The following PIEZO1 variants were observed in gnomAD, a reference collection of about 807,000 sequenced individuals.
The protein encoded by PIEZO1 is piezo-type mechanosensitive ion channel component 1.
A neutral mutation model predicts 297.2 loss-of-function variants in PIEZO1; 296 were observed. The ratio of observed to expected loss-of-function variants is 1.00; its 90% confidence interval spans 0.91 to 1.10. PIEZO1 has a LOEUF of 1.10. Ranked by LOEUF, PIEZO1 falls within the 50% of genes least tolerant of loss-of-function variation. The probability of loss-of-function intolerance (pLI) is 0.00; values close to 1 mark genes in which losing one functional copy is unlikely to be tolerated. For missense variants in PIEZO1, 5,018 were observed against 3,455.5 expected, an observed-to-expected ratio of 1.45 and a Z score of -11.34; for synonymous variants, 2,427 against 1,507.5, an observed-to-expected ratio of 1.61 and a Z score of -14.13.
At chr16:88,757,327 T>TGGGGGGGGGGGG (rs200851830) in intron 1 of PIEZO1, among the ~76,000 whole-genome samples, 4 of 42,696 alleles carry the variant, frequency 9.4e-5, no homozygotes, top group African/African-American at 1.3e-4. Flanking sequence ...GGCGGGGGGG[T>TGGGGGGGGGGGG]GGGGGGTAGT....
rs1210667260 is a variant in PIEZO1, at chr16:88,736,666, G to T, written c.1269C>A (p.Ser423Arg). 6.5e-7 allele frequency: 1 copy of T among 1,532,914 alleles called. No homozygotes were observed. The highest frequency in any genetic ancestry group is 8.7e-7 in the Non-Finnish European group (1 of 1,145,920). 95.0% of individuals were successfully genotyped at this position (1,532,914 alleles called of 1,614,324 possible). The part of the protein sequence containing the change: ...HSLGHLIMDQ[S>R]YVCALIAMMV... ...TCATGGCAATGAGCGCGCACACATA[G>T]CTCTGGTCCATGATGAGGTGGCCCA... The change falls in exon 11 of 51, where the codon AGC becomes AGA. Residue 423 changes from serine to arginine, a missense_variant. By Grantham distance (110) the Ser-to-Arg change is moderately radical (BLOSUM62 -1). Transcript: ENST00000301015.
At chr16:88,777,732 T>C (rs1046748368) in intron 1 of PIEZO1, among the ~76,000 whole-genome samples, 5 of 152,172 alleles carry the variant, frequency 3.3e-5, no homozygotes, top group Admixed American at 2.6e-4. Flanking sequence ...AGGCAGACAG[T>C]GGGGGTCCCA....
Position 88,722,314 on chromosome 16 carries a change from C to T in PIEZO1, c.4859G>A (p.Gly1620Asp), listed in dbSNP as rs758910890. ...GGGGTCGGTGACTGCCTCCTCACTG[C>T]CACTGCGCGTGTGGTAGCCGGTGCT... ...PLSTGYHTRS[G>D]SEEAVTDPGE... Residue 1620 changes from glycine to aspartate, a missense_variant, in exon 36 of 51, where the codon GGC (glycine) becomes GAC (aspartate). By Grantham distance (94) the Gly-to-Asp change is moderately conservative (BLOSUM62 -1). Coordinates refer to ENST00000301015, the MANE Select transcript of PIEZO1 (RefSeq NM_001142864.4). 1 of 1,547,044 alleles carries T rather than the reference C, an allele frequency of 6.5e-7. No individual in the cohort carries two copies. Among genetic ancestry groups the T allele is most frequent in the South Asian group, 1.2e-5 (1 of 83,764 alleles).
At chr16:88,719,405 A>G in intron 44 of PIEZO1, 169 bp downstream of exon 44, 1 of 631,434 alleles carries the variant, frequency 1.6e-6, no homozygotes, top group Non-Finnish European at 2.8e-6. Context: ...AGCTGCCAAG[A>G]TCACTGGCCT....
chr16:88,743,539 G>A (rs1567679905), intron 2 of PIEZO1: 1 of 456,612 alleles, frequency 2.2e-6, no homozygotes, highest in Admixed American at 2.3e-5. Flanking sequence ...CACCACATCT[G>A]CCCTCTCTCG....
chr16:88,722,922 C>G lies in PIEZO1; in HGVS notation c.4583G>C (p.Trp1528Ser), dbSNP rs1448985121. The change falls in exon 34 of 51, where the codon TGG becomes TCG. Residue 1528 changes from tryptophan (W) to serine (S), a missense_variant. Coordinates refer to ENST00000301015, the MANE Select transcript of PIEZO1 (RefSeq NM_001142864.4). ...GTGGTGCCGGGTGAACTCCTGCAGC[C>G]AGCGTGTCAGCTCATCCACTAGCGC... ...GQALVDELTRWLQEFTRHHGT... is the reference protein window; with the variant it reads ...GQALVDELTRSLQEFTRHHGT... 6.5e-7 allele frequency: 1 copy of G among 1,549,432 alleles called. No individual in the cohort carries two copies. The highest frequency in any genetic ancestry group is 8.7e-7 in the Non-Finnish European group (1 of 1,146,782).
intron 2 of PIEZO1, chr16:88,743,701 A>C: frequency 2.2e-6 from 1 of 455,830 alleles, no homozygotes; most frequent in Non-Finnish European, 4.4e-6. Flanking sequence ...CACCCTGCAC[A>C]TCCCTAAGCC....
chr16:88,732,208 G>A (rs934233155), intron 21 of PIEZO1, 127 bp downstream of exon 21: 23 of 773,628 alleles, frequency 3.0e-5, no homozygotes, highest in Admixed American at 4.7e-5. Context: ...CTGGCCCTGA[G>A]TCCCCCACCC....
At chr16:88,758,475 T>C (rs1906777018) in intron 1 of PIEZO1, among the ~76,000 whole-genome samples, 1 of 152,168 alleles carries the variant, frequency 6.6e-6, no homozygotes, top group Non-Finnish European at 1.5e-5. Context: ...TACCCGTGGC[T>C]CATAGCAGCT....
intron 1 of PIEZO1, among the ~76,000 whole-genome samples, chr16:88,772,535 C>T (rs1472635683): frequency 1.3e-5 from 2 of 152,142 alleles, no homozygotes; most frequent in African/African-American, 4.8e-5. Flanking sequence ...AATCCCAGCA[C>T]TTTGGGAGGC....
In PIEZO1 at chr16:88,735,060, G is replaced by A. The variant is rs1405281897; in HGVS notation, c.1670-7C>T. ...GTCTGCGTCCGCGTGGGCTCTGTGG[G>A]CCAAGCCAGGGGCAGGCGATGGCAT... On this transcript the variant is annotated splice_polypyrimidine_tract_variant and splice_region_variant and intron_variant, in intron 13 of 50. Coordinates refer to ENST00000301015, the MANE Select transcript of PIEZO1 (RefSeq NM_001142864.4). 3.7e-5 allele frequency: 58 copies of A among 1,550,136 alleles called. No homozygotes were observed. Among genetic ancestry groups the A allele is most frequent in the Non-Finnish European group, 4.9e-5 (56 of 1,146,854 alleles).
At chr16:88,777,692 C>T (rs1907729338) in intron 1 of PIEZO1, among the ~76,000 whole-genome samples, 1 of 152,198 alleles carries the variant, frequency 6.6e-6, no homozygotes, top group African/African-American at 2.4e-5. Context: ...AATGAGGGAG[C>T]GAGGGCCGCG....
chr16:88,768,914 G>A (rs1013946273), intron 1 of PIEZO1, among the ~76,000 whole-genome samples: 2 of 152,232 alleles, frequency 1.3e-5, no homozygotes, highest in African/African-American at 4.8e-5. Flanking sequence ...GGCCGGGGCC[G>A]GATGCACCTT....
rs541469944 is a variant in PIEZO1 at position 88,737,668 on chromosome 16, C to T, written c.1108-22G>A. The T allele has an allele frequency of 1.1e-5, 17 of 1,533,636 alleles. No individual in the cohort carries two copies. In the East Asian group the frequency reaches 3.9e-4, roughly 35 times the overall value. On this transcript the variant is annotated intron_variant, in intron 9 of 50. Coordinates refer to ENST00000301015, the MANE Select transcript of PIEZO1 (RefSeq NM_001142864.4). ...CGTGCTGTGGGCAAGCAGCGCTGAG[C>T]CATGCACGGGCTGGCCGGGCGCCCC... is the stretch of plus-strand genomic sequence containing the variant.
chr16:88,727,267 C>A, intron 23 of PIEZO1, 75 bp from the exon 24 acceptor site: 1 of 1,426,824 alleles, frequency 7.0e-7, no homozygotes, highest in Non-Finnish European at 9.3e-7. Context: ...AATCCCACCT[C>A]CCACCCCAGG....
intron 10 of PIEZO1, chr16:88,737,277 G>A: frequency 2.5e-6 from 1 of 400,996 alleles, no homozygotes; most frequent in Non-Finnish European, 4.6e-6. Context: ...CTGGGGAGGG[G>A]TTGGGGGACC....
At chr16:88,724,460 G>A (rs1475158914) in intron 30 of PIEZO1, among the ~76,000 whole-genome samples, 3 of 152,002 alleles carry the variant, frequency 2.0e-5, no homozygotes, top group East Asian at 1.9e-4. Flanking sequence ...GAACCTGGGA[G>A]GTGGGGGTTG....
At chr16:88,763,796 T>C (rs1305964087) in intron 1 of PIEZO1, among the ~76,000 whole-genome samples, 1 of 152,200 alleles carries the variant, frequency 6.6e-6, no homozygotes, top group African/African-American at 2.4e-5. Context: ...GACCTGGAGC[T>C]GGCCCCGCCC....
chr16:88,785,144 T>C lies in PIEZO1; in HGVS notation c.-180A>G. On this transcript the variant is annotated 5_prime_UTR_variant, in exon 1 of 51. Transcript: ENST00000301015. ...GCCGACGTCCCGGGCCCGCGCTCGC[T>C]CAGGCGACCGCCCTGCCCCTCGGCG... The C allele has an allele frequency of 3.2e-6, 1 of 317,294 alleles. No individual in the cohort carries two copies. The highest frequency in any genetic ancestry group is 5.5e-6 in the Non-Finnish European group (1 of 183,234). The allele number at this position is 317,294 out of a possible 1,614,324, so 19.7% of individuals were successfully genotyped here.
Sources: gnomAD v4.1 joint callset for allele counts (sites outside exome capture counted in the v4.1 genomes callset) on GRCh38, gnomAD v4.1.1 for gene constraint, MANE v1.5 for transcripts, NCBI Gene and HGNC (gene_info 2026-07-23, HGNC 2026-07-21) for gene names.